SLC35E4: variants seen among roughly 807,000 people sequenced by gnomAD.
SLC35E4 encodes solute carrier family 35 member E4.
SLC35E4 carries 15 observed loss-of-function variants against 19.3 expected under a neutral mutation model. That is an observed-to-expected ratio of 0.78 (90% CI 0.52 to 1.20). SLC35E4 has a LOEUF of 1.20. Among genes scored for constraint, SLC35E4 ranks in the 50% most tolerant of loss-of-function variants. The pLI is 0.00. For synonymous variants in SLC35E4, 219 were observed against 219.9 expected (o/e 1.00, Z 0.04); for missense variants, 406 against 472.3 (o/e 0.86, Z 1.30).
chr22:30,647,088 C>A lies in SLC35E4; in HGVS notation c.*57C>A. On this transcript the variant is annotated 3_prime_UTR_variant, in exon 2 of 2. Transcript: ENST00000343605. ...GGCCCTGGCCTGAATCCAGCCTCCGCTGTGGCCATAGAAGGAATGGAGAAC... is the reference window on the plus strand; with the variant it reads ...GGCCCTGGCCTGAATCCAGCCTCCGATGTGGCCATAGAAGGAATGGAGAAC... 1 of 1,517,674 alleles carries A rather than the reference C, an allele frequency of 6.6e-7. No individual in the cohort carries two copies. The highest frequency in any genetic ancestry group is 8.8e-7 in the Non-Finnish European group (1 of 1,136,210). The allele number at this position is 1,517,674 out of a possible 1,614,324, so 94.0% of individuals were successfully genotyped here.
At chr22:30,640,157 G>A (rs963577681) in intron 1 of SLC35E4, among the ~76,000 whole-genome samples, 1 of 152,074 alleles carries the variant, frequency 6.6e-6, no homozygotes, top group African/African-American at 2.4e-5. Context: ...GGAGGATCAC[G>A]AGGTCAGGAG....
At chr22:30,665,092 G>A (rs369422557), downstream of SLC35E4, 443 of 154,186 alleles carry the variant, frequency 2.9e-3, 1 homozygote, top group Non-Finnish European at 5.0e-3. Context: ...TTAGACTCTC[G>A]GACCCTCACT....
chr22:30,663,967 G>A (rs760671397), downstream of SLC35E4: 31 of 1,613,990 alleles, frequency 1.9e-5, no homozygotes, highest in East Asian at 1.1e-4. Flanking sequence ...GAGGGCTGCC[G>A]GAACTGAACT....
intron 1 of SLC35E4, among the ~76,000 whole-genome samples, chr22:30,644,273 A>G (rs1472043820): frequency 6.6e-6 from 1 of 152,226 alleles, no homozygotes; most frequent in Non-Finnish European, 1.5e-5. Context: ...AGAGAGAAAT[A>G]AAATTTCCTA....
chr22:30,651,427 A>ATTTTTTTTTTTT (rs1160256288), downstream of SLC35E4, among the ~76,000 whole-genome samples: 2 of 22,166 alleles, frequency 9.0e-5, no homozygotes, highest in African/African-American at 2.1e-4. Flanking sequence ...ATATATATAT[A>ATTTTTTTTTTTT]TTTTTTTTTT....
chr22:30,648,224 C>G (rs899375255), downstream of SLC35E4, among the ~76,000 whole-genome samples: 1 of 152,186 alleles, frequency 6.6e-6, no homozygotes, highest in Admixed American at 6.5e-5. Flanking sequence ...CAGACCCCAA[C>G]TCACTCAGGA....
At chr22:30,637,806 GTCAGAC>G (rs1244327656) in intron 1 of SLC35E4, among the ~76,000 whole-genome samples, 1 of 152,206 alleles carries the variant, frequency 6.6e-6, no homozygotes, top group Non-Finnish European at 1.5e-5. Context: ...AACCCAGATA[GTCAGAC>G]TCCATGCTTC....
downstream of SLC35E4, chr22:30,663,953 G>A: frequency 1.2e-6 from 2 of 1,614,184 alleles, no homozygotes; most frequent in African/African-American, 2.7e-5. Flanking sequence ...AGAGGCCGCT[G>A]ACTGAGGGCT....
Position 30,636,524 on chromosome 22 carries a change from C to A in SLC35E4, c.74C>A (p.Ala25Asp), listed in dbSNP as rs1324997407. 1 of 1,551,488 alleles carries A rather than the reference C, an allele frequency of 6.4e-7. No homozygotes were observed. Among genetic ancestry groups the A allele is most frequent in the East Asian group, 2.4e-5 (1 of 41,088 alleles). Residue 25 changes from alanine (A) to aspartate (D), a missense_variant, in exon 1 of 2, where the codon GCT (alanine) becomes GAT (aspartate). By Grantham distance (126) the Ala-to-Asp change is moderately radical. Coordinates refer to ENST00000343605, the MANE Select transcript of SLC35E4 (RefSeq NM_001001479.4). Reference sequence around the variant, plus strand: ...GAAGTAGGAGCAGCAGCTGGTGGTGCTCAGGCGGCTGGGCCCCCCGAGTGG... The same window carrying A: ...GAAGTAGGAGCAGCAGCTGGTGGTGATCAGGCGGCTGGGCCCCCCGAGTGG... ...SAEVGAAAGG[A>D]QAAGPPEWPP...
rs774435800 is a variant in SLC35E4 at position 30,647,020 on chromosome 22, A to AAGG, written c.1043_1045dup (p.Lys348_Gly349insGlu). 2 of 1,601,646 alleles carry AAGG rather than the reference A, an allele frequency of 1.2e-6. No homozygotes were observed. The highest frequency in any genetic ancestry group is 8.5e-7 in the Non-Finnish European group (1 of 1,174,138). ...GCTGTGGCGGAGGGACCAGCCCAGC[A>AAGG]AGGGTCTTTGAGACCTGGGGGATCT... On this transcript the variant is annotated inframe_insertion, in exon 2 of 2. Coordinates refer to ENST00000343605, the MANE Select transcript of SLC35E4 (RefSeq NM_001001479.4).
At chr22:30,641,951 A>G (rs747142216) in intron 1 of SLC35E4, among the ~76,000 whole-genome samples, 22 of 152,076 alleles carry the variant, frequency 1.4e-4, no homozygotes, top group Non-Finnish European at 2.5e-4. Flanking sequence ...AGGCCCCACT[A>G]ACAGAGATAG....
chr22:30,665,352 C>A, downstream of SLC35E4: 3 of 276,104 alleles, frequency 1.1e-5, no homozygotes, highest in South Asian at 9.9e-5. Flanking sequence ...GTCTCTCCAG[C>A]CTCTTATTAG....
chr22:30,636,958 C>T lies in SLC35E4; in HGVS notation c.508C>T (p.Leu170Phe), dbSNP rs2087961765. Reference sequence around the variant, plus strand: ...ACTTCAGTTGGCCGCCATGGGTCCGCTCTGCCTGGGGGCCGCCTGCAGCCT... The same window carrying T: ...ACTTCAGTTGGCCGCCATGGGTCCGTTCTGCCTGGGGGCCGCCTGCAGCCT... Reference protein sequence around the residue: ...HPLQLAAMGPLCLGAACSLAG... With the variant: ...HPLQLAAMGPFCLGAACSLAG... The change falls in exon 1 of 2, where the codon CTC (leucine) becomes TTC (phenylalanine). Residue 170 changes from leucine to phenylalanine, a missense_variant. Leu to Phe is a conservative substitution (Grantham distance 22, BLOSUM62 0). Transcript: ENST00000343605. The T allele has an allele frequency of 1.2e-6, 2 of 1,612,198 alleles. No individual in the cohort carries two copies. Among genetic ancestry groups the T allele is most frequent in the East Asian group, 4.5e-5 (2 of 44,862 alleles).
At chr22:30,665,808 C>T (rs1466905244), downstream of SLC35E4, among the ~76,000 whole-genome samples, 1 of 152,168 alleles carries the variant, frequency 6.6e-6, no homozygotes. Flanking sequence ...TGTGTCCCCA[C>T]AAGTAGGTGC....
intron 1 of SLC35E4, among the ~76,000 whole-genome samples, chr22:30,640,299 A>G (rs1463101466): frequency 6.7e-6 from 1 of 150,140 alleles, no homozygotes; most frequent in Non-Finnish European, 1.5e-5. Context: ...TGAACCCAGG[A>G]GGCAGAGGTT....
At chr22:30,663,146 T>C (rs1373037708) in exon 3 of SLC35E4, 1 of 336,578 alleles carries the variant, frequency 3.0e-6, no homozygotes, top group East Asian at 5.9e-5. Flanking sequence ...AGGCCTGCCA[T>C]GTGCAATGGG....
chr22:30,646,851 C>T lies in SLC35E4; in HGVS notation c.873C>T (p.Thr291=), dbSNP rs145023906. Residue 291 remains threonine (T), a synonymous_variant, in exon 2 of 2, where the codon ACC becomes ACT. Coordinates refer to ENST00000343605, the MANE Select transcript of SLC35E4 (RefSeq NM_001001479.4). The part of the protein sequence containing the change: ...ALTVHVLGNL[T]VVGNLILSRL... ...CCGTCCACGTCCTGGGCAACCTCAC[C>T]GTGGTGGGCAACCTCATCCTGTCCC... 39 of 1,614,254 alleles carry T rather than the reference C, an allele frequency of 2.4e-5. No individual in the cohort carries two copies. Among genetic ancestry groups the T allele is most frequent in the African/African-American group, 5.3e-5 (4 of 75,072 alleles).
intron 1 of SLC35E4, among the ~76,000 whole-genome samples, chr22:30,645,595 CAAAA>C (rs1157239877): frequency 4.9e-5 from 4 of 82,194 alleles, no homozygotes; most frequent in African/African-American, 7.1e-5. Context: ...ACTCTGTCTC[CAAAA>C]AAAAAAAAAA....
chr22:30,662,603 G>T (rs2088510464), exon 3 of SLC35E4: 1 of 152,112 alleles, frequency 6.6e-6, no homozygotes, highest in Non-Finnish European at 1.5e-5. Context: ...GAGGCGTGAG[G>T]ATTGCTTGAG....
Sources: allele counts gnomAD v4.1 joint callset (sites outside exome capture counted in the v4.1 genomes callset), GRCh38; gene constraint gnomAD v4.1.1; transcripts MANE v1.5; gene names NCBI Gene and HGNC (gene_info 2026-07-23, HGNC 2026-07-21).